The following EXOC6B variants were observed in gnomAD, a reference collection of about 807,000 sequenced individuals.
EXOC6B encodes SEC15 homolog B.
EXOC6B carries 54 observed loss-of-function variants against 113.5 expected under a neutral mutation model. That is an observed-to-expected ratio of 0.48 (90% confidence interval 0.38 to 0.60). The LOEUF (loss-of-function observed/expected upper bound fraction) is 0.60. Among genes scored for constraint, EXOC6B ranks in the 20% least tolerant of loss-of-function variants. The pLI is 0.00. For synonymous variants in EXOC6B, 357 were observed against 339.0 expected (o/e 1.05, Z -0.58); for missense variants, 797 against 977.5 (o/e 0.82, Z 2.46).
At chr2:72,271,747 T>G (rs1221040135) in intron 20 of EXOC6B, among the ~76,000 whole-genome samples, 2 of 152,148 alleles carry the variant, frequency 1.3e-5, no homozygotes, top group Non-Finnish European at 2.9e-5. Flanking sequence ...TTATACATAT[T>G]TCAAGATCAA....
intron 20 of EXOC6B, among the ~76,000 whole-genome samples, chr2:72,192,666 G>C (rs191509747): frequency 1.3e-5 from 2 of 152,294 alleles, no homozygotes; most frequent in Admixed American, 6.5e-5. Flanking sequence ...CATGCAGACA[G>C]ACACAGATGC....
intron 7 of EXOC6B, among the ~76,000 whole-genome samples, chr2:72,574,315 A>G (rs758894309): frequency 8.1e-4 from 124 of 152,168 alleles, no homozygotes; most frequent in Non-Finnish European, 1.6e-3. Flanking sequence ...TACATAACAG[A>G]AGTCAGCAAG....
Position 72,528,082 on chromosome 2 carries a change from G to A in EXOC6B, c.916-12956C>T, listed in dbSNP as rs538377188. On this transcript the variant is annotated intron_variant, in intron 8 of 21. Coordinates refer to ENST00000272427, the MANE Select transcript of EXOC6B (RefSeq NM_015189.3). ...CTATCCAATTTTTTTCTTTTACACT[G>A]AAAGAAAGTTAGTACTTTTAGAGGG... Among the ~76,000 whole-genome samples the A allele has an allele frequency of 7.9e-5, 12 of 152,026 alleles. No homozygotes were observed. The South Asian group carries it at 2.5e-3, about 32-fold the overall frequency.
intron 1 of EXOC6B, among the ~76,000 whole-genome samples, chr2:72,768,435 G>A (rs1233979110): frequency 5.3e-5 from 8 of 151,710 alleles, no homozygotes; most frequent in African/African-American, 1.9e-4. Flanking sequence ...GGGATTACAG[G>A]CATGCGCTAC....
chr2:72,268,835 T>C (rs1280982636), intron 20 of EXOC6B, among the ~76,000 whole-genome samples: 1 of 152,172 alleles, frequency 6.6e-6, no homozygotes, highest in Non-Finnish European at 1.5e-5. Flanking sequence ...CCTTCCACCA[T>C]GGTTGTATGC....
chr2:72,562,583 T>C (rs1408759148), intron 7 of EXOC6B, among the ~76,000 whole-genome samples: 1 of 152,136 alleles, frequency 6.6e-6, no homozygotes, highest in Non-Finnish European at 1.5e-5. Context: ...GACTCCTTCT[T>C]TATCAGCTTC....
chr2:72,188,957 C>T (rs1678628406), intron 20 of EXOC6B, among the ~76,000 whole-genome samples: 1 of 152,150 alleles, frequency 6.6e-6, no homozygotes, highest in African/African-American at 2.4e-5. Flanking sequence ...TATTTCTTTT[C>T]TTGAGTTTCT....
intron 19 of EXOC6B, among the ~76,000 whole-genome samples, chr2:72,357,714 A>G (rs1690055753): frequency 6.6e-6 from 1 of 152,014 alleles, no homozygotes. Flanking sequence ...TGATAATGGA[A>G]CTGAAAAATT....
At chr2:72,557,045 G>C (rs912899222) in intron 8 of EXOC6B, among the ~76,000 whole-genome samples, 11 of 151,260 alleles carry the variant, frequency 7.3e-5, no homozygotes, top group Non-Finnish European at 2.9e-5. Flanking sequence ...AGATCCACTA[G>C]TCTATAAAGA....
chr2:72,505,779 A>G (rs951722854), intron 11 of EXOC6B, among the ~76,000 whole-genome samples: 1 of 152,082 alleles, frequency 6.6e-6, no homozygotes, highest in Non-Finnish European at 1.5e-5. Flanking sequence ...TACGTTTTGG[A>G]GGACTGCTTT....
At chr2:72,236,602 C>T (rs988519906) in intron 20 of EXOC6B, among the ~76,000 whole-genome samples, 4 of 152,128 alleles carry the variant, frequency 2.6e-5, no homozygotes, top group Non-Finnish European at 4.4e-5. Context: ...ATTGTTTTGG[C>T]ATGTTTGGCC....
intron 8 of EXOC6B, among the ~76,000 whole-genome samples, chr2:72,552,300 AC>A (rs1295996268): frequency 6.6e-6 from 1 of 152,206 alleles, no homozygotes; most frequent in Non-Finnish European, 1.5e-5. Flanking sequence ...CTTAATTACA[AC>A]TGTGAACTCC....
intron 20 of EXOC6B, among the ~76,000 whole-genome samples, chr2:72,303,201 G>C (rs1686637297): frequency 6.6e-6 from 1 of 152,058 alleles, no homozygotes; most frequent in Non-Finnish European, 1.5e-5. Context: ...TTAGCCTGAT[G>C]GGGTTCCCTT....
intron 8 of EXOC6B, among the ~76,000 whole-genome samples, chr2:72,552,117 T>C (rs1455286606): frequency 6.6e-6 from 1 of 152,216 alleles, no homozygotes; most frequent in Non-Finnish European, 1.5e-5. Context: ...ACTTACCACA[T>C]GCCAAGTAAT....
At position 72,718,286 on chromosome 2, in the gene EXOC6B, A is replaced by C. The variant is rs751524148; in HGVS notation, c.486T>G (p.Thr162=). 6.2e-7 allele frequency: 1 copy of C among 1,613,730 alleles called. No homozygotes were observed. The highest frequency in any genetic ancestry group is 1.1e-5 in the South Asian group (1 of 91,060). Reference sequence around the variant, plus strand: ...GGTAGGTATGCTCTAGATGTTCCAGAGTTTTCAGTGCAGGATAATGCCTAC... The same window carrying C: ...GGTAGGTATGCTCTAGATGTTCCAGCGTTTTCAGTGCAGGATAATGCCTAC... The part of the protein sequence containing the change: ...KTKRHYPALK[T]LEHLEHTYLP... Residue 162 remains threonine (T), a synonymous_variant, in exon 6 of 22, where the codon ACT becomes ACG. Coordinates refer to ENST00000272427, the MANE Select transcript of EXOC6B (RefSeq NM_015189.3).
At chr2:72,542,686 A>T (rs1413043456) in intron 8 of EXOC6B, among the ~76,000 whole-genome samples, 2 of 152,204 alleles carry the variant, frequency 1.3e-5, no homozygotes, top group Non-Finnish European at 2.9e-5. Context: ...TCATCTATAA[A>T]AGAAAAAGAA....
chr2:72,390,353 T>A, intron 18 of EXOC6B, among the ~76,000 whole-genome samples: 1 of 152,356 alleles, frequency 6.6e-6, no homozygotes, highest in Admixed American at 6.5e-5. Context: ...ATATAAGCAT[T>A]TTTAAAGCAT....
chr2:72,622,744 G>A (rs534759844), intron 6 of EXOC6B, among the ~76,000 whole-genome samples: 1 of 151,732 alleles, frequency 6.6e-6, no homozygotes, highest in South Asian at 2.1e-4. Context: ...ATATCCACAT[G>A]GCCAATAAAT....
At chr2:72,683,974 C>G (rs964732012) in intron 6 of EXOC6B, among the ~76,000 whole-genome samples, 182 of 152,308 alleles carry the variant, frequency 1.2e-3, no homozygotes, top group African/African-American at 4.0e-3. Flanking sequence ...CTCTGTCACC[C>G]AGGCTGGAGT....
Sources: gnomAD v4.1 joint callset for allele counts (sites outside exome capture counted in the v4.1 genomes callset) on GRCh38, gnomAD v4.1.1 for gene constraint, MANE v1.5 for transcripts, NCBI Gene and HGNC (gene_info 2026-07-23, HGNC 2026-07-21) for gene names.